SHISA9: variants seen among roughly 807,000 people sequenced by gnomAD.
SHISA9 encodes protein shisa-9.
In SHISA9, 13 loss-of-function variants were observed where a neutral mutation model predicts 38.0. That is an observed-to-expected ratio of 0.34 (90% CI 0.22 to 0.54). The LOEUF (loss-of-function observed/expected upper bound fraction) is 0.54, where lower values mean the gene tolerates loss of function less well. Ranked by LOEUF, SHISA9 falls within the 20% of genes least tolerant of loss-of-function variation. The pLI is 0.91. For missense variants in SHISA9, 538 were observed against 575.8 expected (o/e 0.93, Z 0.67); for synonymous variants, 275 against 242.0 (o/e 1.14, Z -1.27).
At chr16:13,150,043 A>AC (rs1432130928) in intron 2 of SHISA9, among the ~76,000 whole-genome samples, 6 of 148,748 alleles carry the variant, frequency 4.0e-5, no homozygotes, top group Admixed American at 6.7e-5. Context: ...AAAAAAAAAA[A>AC]AAAAAAAAAA....
the SHISA9 span, among the ~76,000 whole-genome samples, chr16:13,384,705 A>T: frequency 7.8e-4 from 119 of 152,356 alleles, no homozygotes; most frequent in African/African-American, 2.5e-3. Context: ...GAGAAGTTCA[A>T]TTCCAACCTT....
intron 2 of SHISA9, among the ~76,000 whole-genome samples, chr16:13,121,602 G>A (rs2050211322): frequency 6.6e-6 from 1 of 151,954 alleles, no homozygotes; most frequent in African/African-American, 2.4e-5. Flanking sequence ...ACTCTAATAA[G>A]CAGTCTAATA....
At chr16:13,220,486 A>T (rs1010298051) in intron 4 of SHISA9, among the ~76,000 whole-genome samples, 6 of 152,144 alleles carry the variant, frequency 3.9e-5, no homozygotes, top group Non-Finnish European at 7.4e-5. Context: ...CTAACATAGG[A>T]TCCCAAATCT....
chr16:12,918,018 G>T (rs947112056), intron 2 of SHISA9, among the ~76,000 whole-genome samples: 5 of 152,164 alleles, frequency 3.3e-5, no homozygotes, highest in Non-Finnish European at 7.3e-5. Context: ...TGTTAGTAAA[G>T]TCAATGTTTG....
At chr16:12,997,161 C>T (rs1268380637) in intron 2 of SHISA9, among the ~76,000 whole-genome samples, 2 of 152,010 alleles carry the variant, frequency 1.3e-5, no homozygotes, top group Non-Finnish European at 2.9e-5. Flanking sequence ...CAGAGGTAAC[C>T]ACTGTTTTGA....
At chr16:13,558,528 T>C in the SHISA9 span, among the ~76,000 whole-genome samples, 1 of 152,210 alleles carries the variant, frequency 6.6e-6, no homozygotes, top group Non-Finnish European at 1.5e-5. Flanking sequence ...CCTTGTTTTT[T>C]GTATATATGT....
chr16:13,323,230 G>A, the SHISA9 span, among the ~76,000 whole-genome samples: 8 of 152,246 alleles, frequency 5.3e-5, no homozygotes, highest in Middle Eastern at 3.4e-3. Flanking sequence ...TAATTATTCC[G>A]TCTCCACCAA....
At chr16:13,513,173 ACAAT>A in the SHISA9 span, among the ~76,000 whole-genome samples, 4 of 152,216 alleles carry the variant, frequency 2.6e-5, no homozygotes, top group Non-Finnish European at 5.9e-5. Flanking sequence ...AAATAACCAA[ACAAT>A]CCCATCAAAA....
At chr16:12,905,716 T>A (rs1308621308) in intron 1 of SHISA9, among the ~76,000 whole-genome samples, 1 of 151,880 alleles carries the variant, frequency 6.6e-6, no homozygotes, top group South Asian at 2.1e-4. Flanking sequence ...CTCAGCCTCC[T>A]GACTGGCTGG....
intron 2 of SHISA9, among the ~76,000 whole-genome samples, chr16:12,994,353 C>G (rs1020478164): frequency 6.6e-6 from 1 of 152,202 alleles, no homozygotes; most frequent in African/African-American, 2.4e-5. Flanking sequence ...TGAACAATGT[C>G]TCCTCTCCTT....
At chr16:13,478,257 G>T in the SHISA9 span, among the ~76,000 whole-genome samples, 1 of 152,108 alleles carries the variant, frequency 6.6e-6, no homozygotes, top group African/African-American at 2.4e-5. Context: ...TATGCTTTCT[G>T]TTTCAAAGAT....
chr16:13,404,005 G>T, the SHISA9 span, among the ~76,000 whole-genome samples: 1 of 152,178 alleles, frequency 6.6e-6, no homozygotes, highest in Non-Finnish European at 1.5e-5. Flanking sequence ...TATGGCAAGA[G>T]CAAATAACCA....
intron 2 of SHISA9, among the ~76,000 whole-genome samples, chr16:13,110,533 T>A (rs1205082382): frequency 6.6e-6 from 1 of 152,198 alleles, no homozygotes; most frequent in East Asian, 1.9e-4. Context: ...AAATGGTCCC[T>A]TTTCAGCCTC....
At chr16:13,476,519 A>G in the SHISA9 span, among the ~76,000 whole-genome samples, 2 of 152,090 alleles carry the variant, frequency 1.3e-5, no homozygotes, top group African/African-American at 4.8e-5. Flanking sequence ...AGGATATTTT[A>G]CTGCATTATT....
At chr16:13,516,043 A>T in the SHISA9 span, among the ~76,000 whole-genome samples, 1 of 152,206 alleles carries the variant, frequency 6.6e-6, no homozygotes, top group Admixed American at 6.5e-5. Context: ...GACTTATCTT[A>T]CCTTCCAATT....
chr16:13,398,844 G>A, the SHISA9 span, among the ~76,000 whole-genome samples: 2 of 152,096 alleles, frequency 1.3e-5, no homozygotes, highest in Non-Finnish European at 2.9e-5. Context: ...CTCTAACACA[G>A]TACCTGGACT....
At chr16:13,506,930 C>A in the SHISA9 span, among the ~76,000 whole-genome samples, 5 of 151,988 alleles carry the variant, frequency 3.3e-5, no homozygotes, top group Admixed American at 1.3e-4. Flanking sequence ...GTAGTCCCAG[C>A]TACTTGGGAG....
intron 2 of SHISA9, among the ~76,000 whole-genome samples, chr16:12,992,144 A>G (rs1471495177): frequency 1.3e-5 from 2 of 152,168 alleles, no homozygotes; most frequent in Admixed American, 6.5e-5. Context: ...AAATTTGATG[A>G]TAAGTTTAAC....
chr16:13,389,336 G>A, the SHISA9 span, among the ~76,000 whole-genome samples: 1 of 152,048 alleles, frequency 6.6e-6, no homozygotes, highest in African/African-American at 2.4e-5. Flanking sequence ...AGCCTTTTCA[G>A]ATTGGCTTCT....
Sources: gnomAD v4.1 joint callset for allele counts (sites outside exome capture counted in the v4.1 genomes callset) on GRCh38, gnomAD v4.1.1 for gene constraint, MANE v1.5 for transcripts, NCBI Gene and HGNC (gene_info 2026-07-23, HGNC 2026-07-21) for gene names.